Variants in SEZ6L observed in about 807,000 individuals in gnomAD.
SEZ6L encodes seizure related 6 homolog like, also known as seizure 6-like protein.
In SEZ6L, 37 loss-of-function variants were observed where a neutral mutation model predicts 106.2. That is an observed-to-expected ratio of 0.35 (90% CI 0.27 to 0.46). The LOEUF is 0.46. Among genes scored for constraint, SEZ6L ranks in the 20% least tolerant of loss-of-function variants. The probability of loss-of-function intolerance (pLI) is 1.00; values close to 1 mark genes in which losing one functional copy is unlikely to be tolerated. For synonymous variants in SEZ6L, 541 were observed against 570.4 expected (o/e 0.95, Z 0.73); for missense variants, 1,172 against 1,332.8 (o/e 0.88, Z 1.88).
At chr22:26,343,768 G>T (rs1219475400) in intron 10 of SEZ6L, among the ~76,000 whole-genome samples, 1 of 151,944 alleles carries the variant, frequency 6.6e-6, no homozygotes, top group Non-Finnish European at 1.5e-5. Flanking sequence ...GGCTAGTTTG[G>T]GTAACAAAAA....
Position 26,313,866 on chromosome 22 carries a change from T to TG in SEZ6L, c.1982dup (p.Glu662ArgfsTer18), listed in dbSNP as rs1322150036. On this transcript the variant is annotated frameshift_variant, in exon 9 of 17. Transcript: ENST00000248933. LOFTEE classifies it high-confidence loss of function. Reference sequence around the variant, plus strand: ...GAAGATTGTATCTGGAAGATCCACGTGGGAGAAGAGAAACGGATCTTCTTA... The same window carrying TG: ...GAAGATTGTATCTGGAAGATCCACGTGGGGAGAAGAGAAACGGATCTTCTTA... The TG allele has an allele frequency of 6.2e-7, 1 of 1,610,410 alleles. No homozygotes were observed.
intron 5 of SEZ6L, among the ~76,000 whole-genome samples, chr22:26,299,506 G>A (rs1206051875): frequency 1.3e-5 from 2 of 152,018 alleles, no homozygotes; most frequent in Non-Finnish European, 2.9e-5. Context: ...GCAACCATCC[G>A]GCTGCATTCT....
chr22:26,305,951 ATT>A, intron 5 of SEZ6L, 26 bp from the exon 6 acceptor site: 1 of 1,436,430 alleles, frequency 7.0e-7, no homozygotes, highest in Non-Finnish European at 9.7e-7. Context: ...GCTCTCTCCC[ATT>A]GCCCACCCAC....
intron 9 of SEZ6L, among the ~76,000 whole-genome samples, chr22:26,334,443 C>T (rs73158647): frequency 0.13 from 20,002 of 152,192 alleles, 1,445 homozygotes; most frequent in Middle Eastern, 0.18. Flanking sequence ...ACCTGTGCTG[C>T]GGCGTGGGCC....
In SEZ6L at chr22:26,292,918, TC is replaced by T. The variant is rs759193212; in HGVS notation, c.612del (p.Phe205SerfsTer38). Reference sequence around the variant, plus strand: ...TACAACACCCGCACCCCTGCAAATCTCCCCCTTCACTTCGCAGCCCTATGTG... The same window carrying T: ...TACAACACCCGCACCCCTGCAAATCTCCCCTTCACTTCGCAGCCCTATGTG... ...VPTTPAPLQISPFTSQPYVAH... is the reference protein window; with the variant it reads ...VPTTPAPLQIXPFTSQPYVAH... On this transcript the variant is annotated frameshift_variant, in exon 2 of 17. Transcript: ENST00000248933. LOFTEE classifies it high-confidence loss of function. The T allele has an allele frequency of 6.2e-7, 1 of 1,613,282 alleles. No individual in the cohort carries two copies. Among genetic ancestry groups the T allele is most frequent in the Non-Finnish European group, 8.5e-7 (1 of 1,179,852 alleles).
chr22:26,195,744 T>C (rs1322875350), intron 1 of SEZ6L, among the ~76,000 whole-genome samples: 1 of 152,078 alleles, frequency 6.6e-6, no homozygotes, highest in Non-Finnish European at 1.5e-5. Flanking sequence ...TATGTATGTG[T>C]GTGTGTGTAT....
intron 1 of SEZ6L, among the ~76,000 whole-genome samples, chr22:26,206,573 C>A (rs1259898006): frequency 2.0e-5 from 3 of 152,182 alleles, no homozygotes; most frequent in Non-Finnish European, 4.4e-5. Context: ...GATTCAAAAC[C>A]ACAGCCATCT....
chr22:26,225,946 A>G (rs1167999048), intron 1 of SEZ6L, among the ~76,000 whole-genome samples: 1 of 152,194 alleles, frequency 6.6e-6, no homozygotes, highest in Admixed American at 6.5e-5. Context: ...AGCAAAACAA[A>G]AACTTGGAAG....
At chr22:26,281,746 C>T (rs1463097222) in intron 1 of SEZ6L, among the ~76,000 whole-genome samples, 1 of 152,110 alleles carries the variant, frequency 6.6e-6, no homozygotes, top group African/African-American at 2.4e-5. Flanking sequence ...CTAAGAAATC[C>T]TAATTTAAAT....
chr22:26,245,932 A>G (rs2145782291), intron 1 of SEZ6L, among the ~76,000 whole-genome samples: 1 of 152,378 alleles, frequency 6.6e-6, no homozygotes. Context: ...GGCAATGATG[A>G]TGATTCCTGT....
intron 1 of SEZ6L, among the ~76,000 whole-genome samples, chr22:26,231,698 T>C (rs2078802615): frequency 6.6e-6 from 1 of 152,224 alleles, no homozygotes; most frequent in African/African-American, 2.4e-5. Flanking sequence ...AGATCATTCA[T>C]CACCCGCCCT....
intron 1 of SEZ6L, among the ~76,000 whole-genome samples, chr22:26,212,930 TG>T (rs1602050913): frequency 1.3e-5 from 2 of 152,014 alleles, no homozygotes; most frequent in African/African-American, 4.8e-5. Flanking sequence ...GTGCTTGGGA[TG>T]GGGGTTGGCA....
chr22:26,295,025 CA>C (rs763112695), intron 3 of SEZ6L, among the ~76,000 whole-genome samples: 14 of 151,794 alleles, frequency 9.2e-5, no homozygotes, highest in Non-Finnish European at 7.4e-5. Context: ...AACTTTTGCC[CA>C]TACAGTAAGA....
intron 9 of SEZ6L, among the ~76,000 whole-genome samples, chr22:26,329,568 A>G (rs995833674): frequency 2.6e-5 from 4 of 152,246 alleles, no homozygotes; most frequent in African/African-American, 9.6e-5. Flanking sequence ...TGGAGCTGAC[A>G]TGGTTTCTTG....
intron 1 of SEZ6L, among the ~76,000 whole-genome samples, chr22:26,170,160 A>AG (rs1202240879): frequency 1.3e-5 from 2 of 152,004 alleles, no homozygotes; most frequent in African/African-American, 2.4e-5. Context: ...GAGGACAGGA[A>AG]GGGGGGTGAG....
At chr22:26,296,034 G>A (rs2081291108) in intron 3 of SEZ6L, among the ~76,000 whole-genome samples, 1 of 152,152 alleles carries the variant, frequency 6.6e-6, no homozygotes, top group Non-Finnish European at 1.5e-5. Flanking sequence ...CTGTTTAGAG[G>A]AGAGGCAGAG....
At chr22:26,235,280 A>G (rs1292081803) in intron 1 of SEZ6L, among the ~76,000 whole-genome samples, 1 of 152,220 alleles carries the variant, frequency 6.6e-6, no homozygotes, top group Non-Finnish European at 1.5e-5. Flanking sequence ...CATATCCCCA[A>G]GCAAACATGT....
At chr22:26,300,589 A>G (rs2081424782) in intron 5 of SEZ6L, among the ~76,000 whole-genome samples, 1 of 152,280 alleles carries the variant, frequency 6.6e-6, no homozygotes, top group South Asian at 2.1e-4. Context: ...AGTCTTTGCT[A>G]TTGTGAATAG....
chr22:26,342,495 CT>C (rs1359687693), intron 10 of SEZ6L, among the ~76,000 whole-genome samples: 1 of 151,612 alleles, frequency 6.6e-6, no homozygotes, highest in East Asian at 1.9e-4. Context: ...CGAGACCATC[CT>C]GGCTAACACA....
Sources: gnomAD v4.1 joint callset for allele counts (sites outside exome capture counted in the v4.1 genomes callset) on GRCh38, gnomAD v4.1.1 for gene constraint, MANE v1.5 for transcripts, NCBI Gene and HGNC (gene_info 2026-07-23, HGNC 2026-07-21) for gene names.